The following ANKFN1 variants were observed in gnomAD, a reference collection of about 807,000 sequenced individuals.
The protein encoded by ANKFN1 is ankyrin repeat and fibronectin type-III domain-containing protein 1.
A neutral mutation model predicts 108.7 loss-of-function variants in ANKFN1; 74 were observed. The ratio of observed to expected loss-of-function variants is 0.68; its 90% CI spans 0.56 to 0.83. The LOEUF (loss-of-function observed/expected upper bound fraction) is 0.83, where lower values mean the gene tolerates loss of function less well. ANKFN1 is among the 40% of genes least tolerant of loss of function. The probability of loss-of-function intolerance (pLI) is 0.00; values close to 1 mark genes in which losing one functional copy is unlikely to be tolerated. For synonymous variants in ANKFN1, 547 were observed against 516.2 expected (o/e 1.06, Z -0.81); for missense variants, 1,505 against 1,382.3 (o/e 1.09, Z -1.41).
intron 4 of ANKFN1, among the ~76,000 whole-genome samples, chr17:56,326,813 A>G (rs531914526): frequency 4.7e-4 from 71 of 152,270 alleles, no homozygotes; most frequent in African/African-American, 1.4e-3. Context: ...ACTGTCTTTA[A>G]TCCAATTTTC....
intron 8 of ANKFN1, among the ~76,000 whole-genome samples, chr17:56,409,553 T>A (rs2048025847): frequency 6.6e-6 from 1 of 152,136 alleles, no homozygotes; most frequent in South Asian, 2.1e-4. Context: ...ATTTAAAAGT[T>A]TGTTCCTAAA....
chr17:56,426,971 G>C lies in ANKFN1; in HGVS notation c.911-13356G>C, dbSNP rs185959782. 2.0e-5 allele frequency among the ~76,000 whole-genome samples: 3 copies of C among 152,330 alleles called. No individual in the cohort carries two copies. The East Asian group carries it at 5.8e-4, about 29-fold the overall frequency. On this transcript the variant is annotated intron_variant, in intron 8 of 20. Transcript: ENST00000682825. ...CTGAAGATTGAATTTTTCAGGATCA[G>C]TAAGGCACCTTGTTGAGTAATTTAC...
intron 1 of ANKFN1, among the ~76,000 whole-genome samples, chr17:56,157,246 C>T (rs1909202266): frequency 1.3e-5 from 2 of 152,188 alleles, no homozygotes; most frequent in Admixed American, 6.5e-5. Flanking sequence ...CAAATACTTG[C>T]TCTTAACTAT....
At chr17:56,503,629 A>G (rs1042173019) in intron 20 of ANKFN1, among the ~76,000 whole-genome samples, 3 of 151,160 alleles carry the variant, frequency 2.0e-5, no homozygotes, top group Non-Finnish European at 4.4e-5. Context: ...TTAAGAAAAA[A>G]GCAATAGCTT....
chr17:56,362,369 A>G (rs1246224460), intron 6 of ANKFN1, among the ~76,000 whole-genome samples: 3 of 152,240 alleles, frequency 2.0e-5, no homozygotes, highest in Non-Finnish European at 2.9e-5. Flanking sequence ...CACTAGCCAC[A>G]TATGACTATC....
At chr17:56,404,046 G>A (rs1256906115) in intron 8 of ANKFN1, among the ~76,000 whole-genome samples, 1 of 151,956 alleles carries the variant, frequency 6.6e-6, no homozygotes, top group Non-Finnish European at 1.5e-5. Context: ...GCTAATCCAA[G>A]TTTTTCCTTT....
intron 4 of ANKFN1, among the ~76,000 whole-genome samples, chr17:56,064,180 A>C (rs2143117496): frequency 6.9e-6 from 1 of 145,354 alleles, no homozygotes; most frequent in East Asian, 2.2e-4. Context: ...AAGATGTCTG[A>C]CAACCCCTGT....
chr17:56,191,678 G>T (rs1162071683), intron 1 of ANKFN1, among the ~76,000 whole-genome samples: 1 of 134,256 alleles, frequency 7.4e-6, no homozygotes, highest in Non-Finnish European at 1.6e-5. Flanking sequence ...TGGTGAATCT[G>T]ACAATTATGT....
At chr17:56,356,299 A>G (rs1006373649) in intron 6 of ANKFN1, among the ~76,000 whole-genome samples, 15 of 152,182 alleles carry the variant, frequency 9.9e-5, no homozygotes, top group African/African-American at 1.4e-4. Context: ...CCCATTGACC[A>G]CAATGGCTGT....
At chr17:56,310,095 T>C (rs2044968255) in intron 3 of ANKFN1, among the ~76,000 whole-genome samples, 2 of 151,820 alleles carry the variant, frequency 1.3e-5, no homozygotes, top group South Asian at 4.1e-4. Context: ...GGGCGTGTAG[T>C]GTATACCACA....
chr17:56,168,610 C>A (rs1234120062), intron 1 of ANKFN1, among the ~76,000 whole-genome samples: 1 of 152,170 alleles, frequency 6.6e-6, no homozygotes, highest in African/African-American at 2.4e-5. Flanking sequence ...GGATAATTGT[C>A]ATATCTAGAA....
chr17:56,330,717 A>T (rs1254094464), intron 4 of ANKFN1, among the ~76,000 whole-genome samples: 1 of 152,114 alleles, frequency 6.6e-6, no homozygotes, highest in Admixed American at 6.6e-5. Flanking sequence ...CCTATGTGGG[A>T]TACTATCTTA....
Position 56,350,840 on chromosome 17 carries a change from C to T in ANKFN1, c.263C>T (p.Ser88Leu), listed in dbSNP as rs1471082602. The change falls in exon 5 of 21, where the codon TCA becomes TTA. Residue 88 changes from serine to leucine, a missense_variant. By Grantham distance (145) the Ser-to-Leu change is moderately radical. Coordinates refer to ENST00000682825, the MANE Select transcript of ANKFN1 (RefSeq NM_001370326.1). ...LCQSKKHSAP[S>L]SPNAAKRLYR... ...CAGTCAAAAAAACATAGTGCTCCCT[C>T]ATCTCCCAACGCAGCCAAACGCCTG... The T allele has an allele frequency of 6.2e-7, 1 of 1,613,880 alleles. No individual in the cohort carries two copies. Among genetic ancestry groups the T allele is most frequent in the East Asian group, 2.2e-5 (1 of 44,840 alleles).
chr17:56,146,737 T>A (rs978460532), intron 4 of ANKFN1, among the ~76,000 whole-genome samples: 1 of 152,130 alleles, frequency 6.6e-6, no homozygotes, highest in Non-Finnish European at 1.5e-5. Flanking sequence ...GAAACCATTT[T>A]TACCCCCTGG....
chr17:56,394,802 T>G (rs890121525), intron 8 of ANKFN1, among the ~76,000 whole-genome samples: 3 of 152,196 alleles, frequency 2.0e-5, no homozygotes, highest in Admixed American at 1.3e-4. Flanking sequence ...ACCTTCTCCC[T>G]GCAGAGATTT....
At chr17:56,404,489 G>A (rs1389849331) in intron 8 of ANKFN1, among the ~76,000 whole-genome samples, 1 of 152,140 alleles carries the variant, frequency 6.6e-6, no homozygotes, top group Non-Finnish European at 1.5e-5. Context: ...CTAAAAGTGT[G>A]TCCAAAGTTT....
chr17:56,073,577 C>T (rs1348839190), intron 4 of ANKFN1, among the ~76,000 whole-genome samples: 1 of 152,186 alleles, frequency 6.6e-6, no homozygotes, highest in Non-Finnish European at 1.5e-5. Context: ...TTAGTATATT[C>T]ATAATGTTGT....
intron 3 of ANKFN1, among the ~76,000 whole-genome samples, chr17:56,242,449 T>A (rs1917657245): frequency 6.6e-6 from 1 of 152,122 alleles, no homozygotes; most frequent in African/African-American, 2.4e-5. Context: ...TAGGTTTTTA[T>A]GTGAATGATC....
intron 4 of ANKFN1, among the ~76,000 whole-genome samples, chr17:56,088,791 C>A (rs528419028): frequency 1.3e-5 from 2 of 151,322 alleles, no homozygotes; most frequent in South Asian, 2.1e-4. Flanking sequence ...CTCTCCTCCC[C>A]CTTGAGAAGA....
Sources: gnomAD v4.1 joint callset for allele counts (sites outside exome capture counted in the v4.1 genomes callset) on GRCh38, gnomAD v4.1.1 for gene constraint, MANE v1.5 for transcripts, NCBI Gene and HGNC (gene_info 2026-07-23, HGNC 2026-07-21) for gene names.